Variants in ESCO1 observed in about 807,000 individuals in gnomAD.
ESCO1 encodes the protein establishment of sister chromatid cohesion N-acetyltransferase 1.
Under a neutral mutation model 83.5 loss-of-function variants are expected in ESCO1, and 33 were observed. The observed-to-expected ratio is 0.40, with a 90% CI of 0.30 to 0.53. ESCO1 has a LOEUF of 0.53. Among genes scored for constraint, ESCO1 ranks in the 20% least tolerant of loss-of-function variants. The pLI, the probability that ESCO1 is intolerant of heterozygous loss-of-function variation, is 0.63. For synonymous variants in ESCO1, 332 were observed against 324.3 expected, an observed-to-expected ratio of 1.02 and a Z score of -0.25; for missense variants, 855 against 968.0, an observed-to-expected ratio of 0.88 and a Z score of 1.55.
In ESCO1 at chr18:21,530,118, C is replaced by T. The variant is rs1376366753; in HGVS notation, c.*225G>A. On this transcript the variant is annotated 3_prime_UTR_variant, in exon 12 of 12. Transcript: ENST00000269214. ...TGTCTAAATAACTATAGATAAAATA[C>T]ATCAATCATAAATTTCTGTAAAAGA... 8.0e-6 allele frequency: 3 copies of T among 372,832 alleles called. No individual in the cohort carries two copies. The highest frequency in any genetic ancestry group is 8.2e-5 in the East Asian group (2 of 24,480). 23.1% of individuals were successfully genotyped at this position (372,832 alleles called of 1,614,324 possible). A position where few individuals can be genotyped will look rare whatever the true frequency, so the allele number is the denominator to read the frequency against.
intron 8 of ESCO1, among the ~76,000 whole-genome samples, chr18:21,548,624 T>C (rs1218836162): frequency 1.3e-5 from 2 of 150,798 alleles, no homozygotes; most frequent in East Asian, 3.9e-4. Flanking sequence ...CATAGCAATA[T>C]CCATCTCAAA....
At chr18:21,600,052 C>A (rs904450605) in intron 1 of ESCO1, among the ~76,000 whole-genome samples, 23 of 152,248 alleles carry the variant, frequency 1.5e-4, no homozygotes, top group Non-Finnish European at 2.8e-4. Context: ...GCCCGCTCCC[C>A]TCCCAAACTG....
At chr18:21,532,385 C>G in intron 11 of ESCO1, 88 bp downstream of exon 11, 1 of 1,337,634 alleles carries the variant, frequency 7.5e-7, no homozygotes, top group Non-Finnish European at 1.0e-6. Flanking sequence ...AGATTATACG[C>G]ATGTTAATTA....
Position 21,545,629 on chromosome 18 carries a change from TTTAAAAAG to T in ESCO1, c.1954-5628_1954-5621del, listed in dbSNP as rs2037964092. The stretch of plus-strand genomic sequence containing the variant: ...AGAAAAATAGGCATTTCAATAGTAA[TTTAAAAAG>T]TTAAGTTGAGGCCGGGCGCAGTGGC... On this transcript the variant is annotated intron_variant, in intron 8 of 11. Transcript: ENST00000269214. Among the ~76,000 whole-genome samples the T allele has an allele frequency of 7.3e-5, 11 of 150,942 alleles. No individual in the cohort carries two copies. In the South Asian group the frequency reaches 2.3e-3, roughly 32 times the overall value.
chr18:21,542,653 G>A (rs1319190398), intron 8 of ESCO1, among the ~76,000 whole-genome samples: 1 of 152,080 alleles, frequency 6.6e-6, no homozygotes, highest in Non-Finnish European at 1.5e-5. Context: ...TAACAAAACA[G>A]TCAATCAATA....
At chr18:21,572,763 G>A (rs2038357325) in intron 4 of ESCO1, among the ~76,000 whole-genome samples, 2 of 151,998 alleles carry the variant, frequency 1.3e-5, no homozygotes, top group African/African-American at 2.4e-5. Flanking sequence ...TCGGGAGTTC[G>A]AGACCAGCCT....
rs1400502220 is a variant in ESCO1, at chr18:21,530,328, A to C, written c.*15T>G. The C allele has an allele frequency of 6.4e-7, 1 of 1,566,190 alleles. No homozygotes were observed. Among genetic ancestry groups the C allele is most frequent in the Non-Finnish European group, 8.6e-7 (1 of 1,158,626 alleles). On this transcript the variant is annotated 3_prime_UTR_variant, in exon 12 of 12. Coordinates refer to ENST00000269214, the MANE Select transcript of ESCO1 (RefSeq NM_052911.3). ...TTCAATAGATGTCTTCTAGTGGTGT[A>C]GGCAAGAATTTGTTTTACGTGCTAT...
intron 8 of ESCO1, among the ~76,000 whole-genome samples, chr18:21,554,752 T>C (rs1172053884): frequency 6.6e-6 from 1 of 151,842 alleles, no homozygotes; most frequent in African/African-American, 2.4e-5. Flanking sequence ...CTACTAAAAA[T>C]ACAAAACTTA....
intron 2 of ESCO1, among the ~76,000 whole-genome samples, chr18:21,578,019 C>T (rs2146215423): frequency 6.6e-6 from 1 of 152,156 alleles, no homozygotes; most frequent in South Asian, 2.1e-4. Flanking sequence ...CCTAAAAATA[C>T]TGATAAGGTC....
chr18:21,548,645 A>C (rs577063837), intron 8 of ESCO1, among the ~76,000 whole-genome samples: 3 of 152,072 alleles, frequency 2.0e-5, no homozygotes, highest in Admixed American at 6.5e-5. Flanking sequence ...AAAAATTTTT[A>C]AATTTAAAAA....
chr18:21,600,251 G>A (rs2038824391), intron 1 of ESCO1, among the ~76,000 whole-genome samples: 1 of 152,242 alleles, frequency 6.6e-6, no homozygotes, highest in African/African-American at 2.4e-5. Flanking sequence ...CGCTGCCCCG[G>A]TGCTAGCAAT....
intron 2 of ESCO1, among the ~76,000 whole-genome samples, chr18:21,581,617 C>A (rs1157485503): frequency 6.6e-6 from 1 of 151,660 alleles, no homozygotes; most frequent in Non-Finnish European, 1.5e-5. Context: ...TCTCAAAAAA[C>A]AAATAAATAA....
chr18:21,539,152 G>A (rs1298409700), intron 9 of ESCO1, among the ~76,000 whole-genome samples: 1 of 151,812 alleles, frequency 6.6e-6, no homozygotes, highest in Non-Finnish European at 1.5e-5. Context: ...ATAAGATTAA[G>A]TCATGTTTAA....
At position 21,574,277 on chromosome 18, in the gene ESCO1, ATCT is replaced by A. The variant is rs1447266846; in HGVS notation, c.564_566del (p.Glu188del). ...TTACTTCATTAATTACTAGATTTTC[ATCT>A]TCTTTAGAGTCAGACTTTACTTCCA... On this transcript the variant is annotated inframe_deletion, in exon 4 of 12. Coordinates refer to ENST00000269214, the MANE Select transcript of ESCO1 (RefSeq NM_052911.3). The A allele has an allele frequency of 1.7e-5, 27 of 1,613,468 alleles. No individual in the cohort carries two copies. Among genetic ancestry groups the A allele is most frequent in the Non-Finnish European group, 2.3e-5 (27 of 1,179,948 alleles).
At chr18:21,547,415 T>C (rs2037988466) in intron 8 of ESCO1, among the ~76,000 whole-genome samples, 1 of 151,164 alleles carries the variant, frequency 6.6e-6, no homozygotes, top group Non-Finnish European at 1.5e-5. Context: ...AACTAGAAAG[T>C]GGCTCATTAG....
chr18:21,573,104 G>A (rs761245951), intron 4 of ESCO1, among the ~76,000 whole-genome samples: 42 of 152,112 alleles, frequency 2.8e-4, no homozygotes, highest in Non-Finnish European at 5.9e-4. Context: ...GTAAAAATGA[G>A]GAAACAATGA....
chr18:21,544,996 C>CA, intron 8 of ESCO1, among the ~76,000 whole-genome samples: 1 of 152,338 alleles, frequency 6.6e-6, no homozygotes, highest in Middle Eastern at 3.4e-3. Context: ...GTAATAGGAT[C>CA]ACAAAGGAGT....
intron 2 of ESCO1, among the ~76,000 whole-genome samples, chr18:21,581,745 C>G (rs1484594236): frequency 6.6e-6 from 1 of 152,044 alleles, no homozygotes; most frequent in African/African-American, 2.4e-5. Flanking sequence ...TTGCTGCTAG[C>G]TGGGCACACA....
chr18:21,592,839 C>T (rs1414525488), intron 1 of ESCO1, among the ~76,000 whole-genome samples: 1 of 143,880 alleles, frequency 7.0e-6, no homozygotes, highest in Non-Finnish European at 1.5e-5. Flanking sequence ...TCAGACGGGG[C>T]GGTTGCCGGG....
Sources: gnomAD v4.1 joint callset for allele counts (sites outside exome capture counted in the v4.1 genomes callset) on GRCh38, gnomAD v4.1.1 for gene constraint, MANE v1.5 for transcripts, NCBI Gene and HGNC (gene_info 2026-07-23, HGNC 2026-07-21) for gene names.